PKP4: variants seen among roughly 807,000 people sequenced by gnomAD.
The protein encoded by PKP4 is plakophilin 4.
In PKP4, 90 loss-of-function variants were observed where a neutral mutation model predicts 145.1. The observed-to-expected ratio is 0.62, with a 90% CI of 0.52 to 0.74. The LOEUF (loss-of-function observed/expected upper bound fraction) is 0.74. PKP4 is among the 30% of genes least tolerant of loss of function. PKP4 has a pLI of 0.00. For synonymous variants in PKP4, 563 were observed against 577.2 expected (o/e 0.98, Z 0.35); for missense variants, 1,340 against 1,482.7 (o/e 0.90, Z 1.58).
intron 1 of PKP4, among the ~76,000 whole-genome samples, chr2:158,531,330 C>T (rs535757580): frequency 6.6e-6 from 1 of 152,198 alleles, no homozygotes; most frequent in East Asian, 1.9e-4. Context: ...ATACTCTTGA[C>T]ATTTAAAATT....
chr2:158,458,281 G>T (rs1689182556), intron 1 of PKP4: 1 of 152,776 alleles, frequency 6.5e-6, no homozygotes, highest in Admixed American at 6.5e-5. Flanking sequence ...CGCGCAGCCA[G>T]AGGTCACCGG....
At chr2:158,563,334 C>T (rs1356196160) in intron 2 of PKP4, among the ~76,000 whole-genome samples, 2 of 151,966 alleles carry the variant, frequency 1.3e-5, no homozygotes, top group African/African-American at 4.8e-5. Flanking sequence ...AGTAAGCCAC[C>T]CTACAGGCAT....
At chr2:158,545,162 A>C (rs924825595) in intron 2 of PKP4, among the ~76,000 whole-genome samples, 7 of 140,068 alleles carry the variant, frequency 5.0e-5, no homozygotes, top group Non-Finnish European at 1.0e-4. Context: ...CTCAGGAGGA[A>C]GCCTTTCATC....
chr2:158,477,288 T>C (rs1010309762), intron 1 of PKP4, among the ~76,000 whole-genome samples: 15 of 152,088 alleles, frequency 9.9e-5, no homozygotes, highest in Non-Finnish European at 1.6e-4. Flanking sequence ...AGGGTCAACA[T>C]GCATACCTGT....
chr2:158,545,175 T>C (rs2105678314), intron 2 of PKP4, among the ~76,000 whole-genome samples: 1 of 145,474 alleles, frequency 6.9e-6, no homozygotes, highest in Non-Finnish European at 1.5e-5. Flanking sequence ...CTTTCATCAC[T>C]TCCCCCTTTG....
chr2:158,474,256 A>T (rs1163256584), intron 1 of PKP4, among the ~76,000 whole-genome samples: 1 of 152,246 alleles, frequency 6.6e-6, no homozygotes, highest in Non-Finnish European at 1.5e-5. Flanking sequence ...TGAAGCTGCC[A>T]CATAGGTGAA....
chr2:158,625,754 T>C (rs2052717119), intron 7 of PKP4, among the ~76,000 whole-genome samples: 1 of 152,218 alleles, frequency 6.6e-6, no homozygotes, highest in African/African-American at 2.4e-5. Context: ...TTTTTTTTAA[T>C]GAAATATTTT....
chr2:158,647,144 C>G (rs552965462), intron 11 of PKP4, among the ~76,000 whole-genome samples: 1 of 152,102 alleles, frequency 6.6e-6, no homozygotes, highest in African/African-American at 2.4e-5. Flanking sequence ...CTATAAAGTC[C>G]CCTTTGAAAA....
chr2:158,633,178 C>A (rs1205542708), intron 8 of PKP4, among the ~76,000 whole-genome samples: 2 of 152,156 alleles, frequency 1.3e-5, no homozygotes, highest in African/African-American at 4.8e-5. Context: ...GTTCCAAAAC[C>A]ATCAGTGGAT....
At chr2:158,646,909 T>C (rs2054881359) in intron 11 of PKP4, among the ~76,000 whole-genome samples, 1 of 152,160 alleles carries the variant, frequency 6.6e-6, no homozygotes, top group Non-Finnish European at 1.5e-5. Context: ...AGAAGTTATC[T>C]GATATAACTT....
At chr2:158,620,240 G>A (rs532020838) in intron 4 of PKP4, among the ~76,000 whole-genome samples, 177 of 148,254 alleles carry the variant, frequency 1.2e-3, no homozygotes, top group African/African-American at 4.2e-3. Flanking sequence ...AAGGACATAC[G>A]GGAATCGAAT....
intron 3 of PKP4, chr2:158,578,079 T>G (rs2048014571): frequency 5.9e-6 from 1 of 168,584 alleles, no homozygotes; most frequent in South Asian, 2.0e-4. Context: ...GCTTGCAGTT[T>G]TAAGTTTGAT....
chr2:158,639,238 C>T (rs561900260), intron 9 of PKP4, among the ~76,000 whole-genome samples: 2 of 152,156 alleles, frequency 1.3e-5, no homozygotes, highest in South Asian at 4.2e-4. Flanking sequence ...CAGAGAAGAC[C>T]CTGTAAATAG....
chr2:158,476,777 A>G (rs1692540559), intron 1 of PKP4, among the ~76,000 whole-genome samples: 1 of 152,150 alleles, frequency 6.6e-6, no homozygotes, highest in Non-Finnish European at 1.5e-5. Context: ...AATACAGAGC[A>G]GCACAAAAGA....
chr2:158,643,347 C>A (rs1369611510), intron 11 of PKP4, among the ~76,000 whole-genome samples: 1 of 152,110 alleles, frequency 6.6e-6, no homozygotes, highest in Non-Finnish European at 1.5e-5. Context: ...AGAGGTCTTT[C>A]TAGTTACAAG....
chr2:158,603,160 C>A, intron 4 of PKP4, 56 bp downstream of exon 4: 5 of 914,596 alleles, frequency 5.5e-6, no homozygotes, highest in Admixed American at 2.7e-5. Flanking sequence ...ACATAGCCTA[C>A]TCTCTTAACT....
chr2:158,677,512 G>A (rs1006092957), intron 20 of PKP4, among the ~76,000 whole-genome samples: 5 of 152,158 alleles, frequency 3.3e-5, no homozygotes, highest in Non-Finnish European at 5.9e-5. Flanking sequence ...ATTCTCAACC[G>A]TCTGGCGATT....
rs2056560722 is a variant in PKP4, at chr2:158,661,329, T to G, written c.2094-4T>G. 4.3e-6 allele frequency: 7 copies of G among 1,610,224 alleles called. No homozygotes were observed. The highest frequency in any genetic ancestry group is 1.3e-5 in the African/African-American group (1 of 74,806). ...AGCAGCTCCTCCTGTCTCCACCCCT[T>G]TAGGAACCTCAGCTCCGCGGGGGAA... On this transcript the variant is annotated splice_polypyrimidine_tract_variant and splice_region_variant and intron_variant, in intron 12 of 21. Transcript: ENST00000389759.
chr2:158,535,946 T>G (rs1455850212), intron 2 of PKP4, among the ~76,000 whole-genome samples: 1 of 152,202 alleles, frequency 6.6e-6, no homozygotes, highest in Non-Finnish European at 1.5e-5. Context: ...GTTCTCAGTT[T>G]GCTCATTTAT....
Sources: gnomAD v4.1 joint callset for allele counts (sites outside exome capture counted in the v4.1 genomes callset) on GRCh38, gnomAD v4.1.1 for gene constraint, MANE v1.5 for transcripts, NCBI Gene and HGNC (gene_info 2026-07-23, HGNC 2026-07-21) for gene names.